Variants in ATOX1 observed in about 807,000 individuals in gnomAD.
The protein encoded by ATOX1 is copper transport protein ATOX1.
A neutral mutation model predicts 7.3 loss-of-function variants in ATOX1; 4 were observed. The observed-to-expected ratio is 0.55, with a 90% CI of 0.27 to 1.25. ATOX1 has a LOEUF of 1.25. Ranked by LOEUF, ATOX1 falls within the 50% of genes most tolerant of loss-of-function variation. ATOX1 has a pLI of 0.12. For synonymous variants in ATOX1, 25 were observed against 28.7 expected (o/e 0.87, Z 0.41); for missense variants, 68 against 81.6 (o/e 0.83, Z 0.64).
At chr5:151,752,337 G>A (rs1162256333) in intron 1 of ATOX1, 1 of 702,202 alleles carries the variant, frequency 1.4e-6, no homozygotes, top group Non-Finnish European at 2.6e-6. Flanking sequence ...CATTCTCAGA[G>A]GCAGCATCTG....
intron 2 of ATOX1, among the ~76,000 whole-genome samples, chr5:151,750,534 A>AT (rs1761934696): frequency 1.4e-5 from 2 of 148,130 alleles, no homozygotes; most frequent in South Asian, 4.3e-4. Context: ...AAAAATCTGC[A>AT]TGTGAGTGAT....
chr5:151,751,827 C>G, intron 1 of ATOX1, 48 bp from the exon 2 acceptor site: 7 of 1,556,906 alleles, frequency 4.5e-6, no homozygotes, highest in Non-Finnish European at 6.1e-6. Context: ...TAGAGTGACC[C>G]CCACACAGTG....
At chr5:151,751,865 G>T in intron 1 of ATOX1, 86 bp from the exon 2 acceptor site, 1 of 1,330,494 alleles carries the variant, frequency 7.5e-7, no homozygotes, top group Non-Finnish European at 1.1e-6. Context: ...TCAGGGTCAA[G>T]ACAGAAGACA....
chr5:151,747,142 G>A (rs1761888037), intron 2 of ATOX1, among the ~76,000 whole-genome samples: 1 of 148,242 alleles, frequency 6.7e-6, no homozygotes, highest in Non-Finnish European at 1.5e-5. Flanking sequence ...TACTGATCCT[G>A]CCCCTAGAGA....
At chr5:151,746,878 C>T (rs1405580394) in intron 2 of ATOX1, among the ~76,000 whole-genome samples, 7 of 151,988 alleles carry the variant, frequency 4.6e-5, no homozygotes, top group African/African-American at 7.2e-5. Flanking sequence ...GGATTACAGG[C>T]GTATGCCACC....
intron 2 of ATOX1, among the ~76,000 whole-genome samples, chr5:151,751,027 C>A (rs1466341065): frequency 1.3e-5 from 2 of 151,858 alleles, no homozygotes; most frequent in East Asian, 3.9e-4. Context: ...GAGGCCGAGG[C>A]GGGCAGATCA....
intron 1 of ATOX1, among the ~76,000 whole-genome samples, chr5:151,754,318 G>GC (rs1554078529): frequency 5.9e-5 from 9 of 152,192 alleles, no homozygotes; most frequent in Admixed American, 2.0e-4. Flanking sequence ...CTATTAAAAA[G>GC]TTTTTTTAGG....
rs1287530365 is a variant in ATOX1, at chr5:151,752,108, A to C, written c.7-329T>G. The C allele has an allele frequency of 6.6e-6, 4 of 606,598 alleles. No individual in the cohort carries two copies. In the East Asian group the frequency reaches 1.1e-4, roughly 17 times the overall value. 37.6% of individuals were successfully genotyped at this position (606,598 alleles called of 1,614,324 possible). On this transcript the variant is annotated intron_variant, in intron 1 of 3. Transcript: ENST00000313115. Reference sequence around the variant, plus strand: ...TCAAAACACTGATTCTTGAGCTATGAGCTTTGTCTCAGGGCCACCAGTAAC... The same window carrying C: ...TCAAAACACTGATTCTTGAGCTATGCGCTTTGTCTCAGGGCCACCAGTAAC...
chr5:151,756,363 T>C (rs556665777), intron 1 of ATOX1, among the ~76,000 whole-genome samples: 1 of 152,264 alleles, frequency 6.6e-6, no homozygotes, highest in South Asian at 2.1e-4. Context: ...CCTCAATGCT[T>C]AACCACTGAG....
intron 1 of ATOX1, chr5:151,753,675 T>C (rs1159072612): frequency 1.3e-5 from 2 of 152,158 alleles, no homozygotes; most frequent in Non-Finnish European, 2.9e-5. Context: ...AACTTTAGTG[T>C]GCATAGGAAG....
In ATOX1 at chr5:151,758,601, G is replaced by C. The variant is rs1015893487; in HGVS notation, c.-50C>G. ...GCGGTGTGGCGGCGGTGTCAGCAGC[G>C]CCTCTCTGGATTCGGAGGGCGGGTT... is the stretch of plus-strand genomic sequence containing the variant. On this transcript the variant is annotated 5_prime_UTR_variant, in exon 1 of 4. Coordinates refer to ENST00000313115, the MANE Select transcript of ATOX1 (RefSeq NM_004045.4). The C allele has an allele frequency of 3.6e-6, 5 of 1,386,386 alleles. No individual in the cohort carries two copies. In the African/African-American group the frequency reaches 7.5e-5, roughly 21 times the overall value. The allele number at this position is 1,386,386 out of a possible 1,614,324, so 85.9% of individuals were successfully genotyped here.
At chr5:151,752,164 C>A in intron 1 of ATOX1, 1 of 678,750 alleles carries the variant, frequency 1.5e-6, no homozygotes, top group Admixed American at 2.1e-5. Context: ...ATACTCTGAG[C>A]AATGCTGATC....
rs529346574 is a variant in ATOX1, at chr5:151,749,703, G to A, written c.82+2001C>T. 1.1e-4 allele frequency among the ~76,000 whole-genome samples: 17 copies of A among 149,300 alleles called. No individual in the cohort carries two copies. The East Asian group carries it at 2.9e-3, about 26-fold the overall frequency. On this transcript the variant is annotated intron_variant, in intron 2 of 3. Transcript: ENST00000313115. ...AAAAAGAAAAAAAAAAGCATCAACAGCAAAAGCTGATACAGACATACAAGA... is the reference window on the plus strand; with the variant it reads ...AAAAAGAAAAAAAAAAGCATCAACAACAAAAGCTGATACAGACATACAAGA...
At chr5:151,752,486 T>G (rs1761965202) in intron 1 of ATOX1, 1 of 639,526 alleles carries the variant, frequency 1.6e-6, no homozygotes, top group Non-Finnish European at 2.8e-6. Flanking sequence ...GGTCTGAAGG[T>G]AAGCTCCCAG....
chr5:151,747,589 CTTTT>C (rs768787270), intron 2 of ATOX1, among the ~76,000 whole-genome samples: 2 of 124,990 alleles, frequency 1.6e-5, no homozygotes, highest in African/African-American at 2.9e-5. Context: ...CCGGTCCATT[CTTTT>C]TTTTTTTTTT....
At chr5:151,756,374 A>T (rs1034966458) in intron 1 of ATOX1, among the ~76,000 whole-genome samples, 40 of 151,946 alleles carry the variant, frequency 2.6e-4, no homozygotes, top group African/African-American at 9.4e-4. Flanking sequence ...AACCACTGAG[A>T]TCTTGTTAAA....
At chr5:151,750,886 C>T (rs2113181397) in intron 2 of ATOX1, among the ~76,000 whole-genome samples, 1 of 151,940 alleles carries the variant, frequency 6.6e-6, no homozygotes, top group East Asian at 2.0e-4. Context: ...CTCCTGAGCT[C>T]AGGCAATCTG....
chr5:151,751,571 A>C, intron 2 of ATOX1, 133 bp downstream of exon 2: 2 of 772,052 alleles, frequency 2.6e-6, no homozygotes, highest in Non-Finnish European at 4.1e-6. Context: ...TAACAAGAGT[A>C]GTTGGCACGT....
intron 2 of ATOX1, among the ~76,000 whole-genome samples, chr5:151,747,851 A>T (rs1761897351): frequency 6.6e-6 from 1 of 152,200 alleles, no homozygotes; most frequent in African/African-American, 2.4e-5. Context: ...GGCCTCCCAA[A>T]GTGTTGGGAC....
Sources: gnomAD v4.1 joint callset for allele counts (sites outside exome capture counted in the v4.1 genomes callset) on GRCh38, gnomAD v4.1.1 for gene constraint, MANE v1.5 for transcripts, NCBI Gene and HGNC (gene_info 2026-07-23, HGNC 2026-07-21) for gene names.